The following CLPX variants were observed in gnomAD, a reference collection of about 807,000 sequenced individuals.
CLPX encodes caseinolytic mitochondrial matrix peptidase chaperone subunit X.
Under a neutral mutation model 76.4 loss-of-function variants are expected in CLPX, and 34 were observed. The ratio of observed to expected loss-of-function variants is 0.45; its 90% CI spans 0.34 to 0.59. The LOEUF is 0.59. Among genes scored for constraint, CLPX ranks in the 20% least tolerant of loss-of-function variants. The pLI is 0.01. For missense variants in CLPX, 613 were observed against 757.0 expected, an observed-to-expected ratio of 0.81 and a Z score of 2.23; for synonymous variants, 248 against 270.9, an observed-to-expected ratio of 0.92 and a Z score of 0.83.
At chr15:65,156,984 TAGCCTC>T in intron 8 of CLPX, 52 bp from the exon 9 acceptor site, 1 of 1,196,038 alleles carries the variant, frequency 8.4e-7, no homozygotes. Context: ...ATACACAAGA[TAGCCTC>T]AGCTTTAAAA....
At chr15:65,183,322 G>C (rs1198218240) in intron 1 of CLPX, among the ~76,000 whole-genome samples, 1 of 151,668 alleles carries the variant, frequency 6.6e-6, no homozygotes, top group African/African-American at 2.4e-5. Context: ...TTAGCCAGGC[G>C]TGGTGGCGGG....
rs779841328 is a variant in CLPX at position 65,157,775 on chromosome 15, G to C, written c.1028C>G (p.Ala343Gly). The C allele has an allele frequency of 5.6e-6, 9 of 1,613,342 alleles. No individual in the cohort carries two copies. The Middle Eastern group carries it at 4.9e-4, about 89-fold the overall frequency. ...TTGTGCTTTTTCCACATTATAATTG[G>C]CATCTTGGAGTAGTTTTGCAATCAC... The part of the protein sequence containing the change: ...ESVIAKLLQD[A>G]NYNVEKAQQG... Residue 343 changes from alanine to glycine, a missense_variant, in exon 8 of 14, where the codon GCC (alanine) becomes GGC (glycine). By Grantham distance (60) the Ala-to-Gly change is moderately conservative (BLOSUM62 0). Around this residue, in one of 2 missense-constraint regions of CLPX, gnomAD observed 450 missense variants for 638.6 expected, o/e 0.70. Coordinates refer to ENST00000300107, the MANE Select transcript of CLPX (RefSeq NM_006660.5).
chr15:65,157,635 A>G (rs1326202793), intron 8 of CLPX, 111 bp downstream of exon 8: 3 of 1,042,104 alleles, frequency 2.9e-6, no homozygotes, highest in East Asian at 2.6e-5. Context: ...GTACTTTTAT[A>G]TAATTACAGA....
rs756832891 is a variant in CLPX, at chr15:65,180,080, A to G, written c.204T>C (p.Asp68=). The G allele has an allele frequency of 6.2e-7, 1 of 1,611,256 alleles. No individual in the cohort carries two copies. Among genetic ancestry groups the G allele is most frequent in the South Asian group, 1.1e-5 (1 of 90,410 alleles). ...CTCCAGAACCATCTTTACTTATCCCATCTTTTGAGGCAAAGTATGCTGGTG... is the reference window on the plus strand; with the variant it reads ...CTCCAGAACCATCTTTACTTATCCCGTCTTTTGAGGCAAAGTATGCTGGTG... The part of the protein sequence containing the change: ...TETPAYFASK[D]GISKDGSGDG... Residue 68 remains aspartate (D), a synonymous_variant, in exon 2 of 14, where the codon GAT becomes GAC. Coordinates refer to ENST00000300107, the MANE Select transcript of CLPX (RefSeq NM_006660.5).
At chr15:65,162,540 AC>A (rs1555412857) in intron 6 of CLPX, 63 bp downstream of exon 6, 5 of 1,102,086 alleles carry the variant, frequency 4.5e-6, no homozygotes, top group Non-Finnish European at 6.9e-6. Context: ...TACTGCTGAA[AC>A]ACTTCACTGA....
At chr15:65,154,746 TAAAA>T in intron 11 of CLPX, 32 bp downstream of exon 11, 2 of 1,506,752 alleles carry the variant, frequency 1.3e-6, no homozygotes, top group Admixed American at 4.2e-5. Context: ...AGCAAGAAAA[TAAAA>T]AATAACTAAG....
In CLPX at chr15:65,157,740, A is replaced by G; in HGVS notation, c.1057+6T>C. ...AATCTGGGGACAGACCATGCTGAAA[A>G]CATACCTTGTTGTGCTTTTTCCACA... On this transcript the variant is annotated splice_donor_region_variant and intron_variant, in intron 8 of 13. Transcript: ENST00000300107. 1 of 1,611,794 alleles carries G rather than the reference A, an allele frequency of 6.2e-7. No individual in the cohort carries two copies.
intron 7 of CLPX, 51 bp downstream of exon 7, chr15:65,158,521 ATTT>A: frequency 6.9e-7 from 1 of 1,441,722 alleles, no homozygotes; most frequent in Non-Finnish European, 9.6e-7. Context: ...TTATAGAATC[ATTT>A]ATATTCTGAT....
At position 65,179,062 on chromosome 15, in the gene CLPX, T is replaced by A. The variant is rs1379371727; in HGVS notation, c.241-11A>T. On this transcript the variant is annotated splice_polypyrimidine_tract_variant and intron_variant, in intron 2 of 13. Transcript: ENST00000300107. The stretch of plus-strand genomic sequence containing the variant: ...CTCACTTGCTGATTTCTAACGTTTA[T>A]GAAGGAGAAAAAAGGAAGAGTGTCA... 1.3e-6 allele frequency: 2 copies of A among 1,548,910 alleles called. No homozygotes were observed. Among genetic ancestry groups the A allele is most frequent in the South Asian group, 1.1e-5 (1 of 88,438 alleles).
Position 65,180,036 on chromosome 15 carries a change from A to C in CLPX, c.240+8T>G. ...TGTGTACAGATGCCAATAAGATAAA[A>C]TAATTACCTTATTTCCATCTCCAGA... On this transcript the variant is annotated splice_region_variant and intron_variant, in intron 2 of 13. Coordinates refer to ENST00000300107, the MANE Select transcript of CLPX (RefSeq NM_006660.5). 3 of 1,592,276 alleles carry C rather than the reference A, an allele frequency of 1.9e-6. No individual in the cohort carries two copies. Among genetic ancestry groups the C allele is most frequent in the Non-Finnish European group, 2.6e-6 (3 of 1,167,740 alleles).
intron 3 of CLPX, among the ~76,000 whole-genome samples, chr15:65,170,721 G>T (rs1227902446): frequency 6.6e-6 from 1 of 151,034 alleles, no homozygotes; most frequent in East Asian, 2.0e-4. Flanking sequence ...AGTGAGCCAA[G>T]ACCACGTCAC....
At chr15:65,166,539 C>G (rs2087915308) in intron 4 of CLPX, 92 bp downstream of exon 4, 2 of 1,284,734 alleles carry the variant, frequency 1.6e-6, no homozygotes, top group Admixed American at 2.0e-5. Context: ...TGTTTATATA[C>G]TAGTATTAGG....
rs777474778 is a variant in CLPX, at chr15:65,185,146, C to G, written c.8G>C (p.Ser3Thr). MP[S>T]CGACTCGAAA... ...CGCGCCGCAAGTACAAGCACCGCAG[C>G]TGGGCATCTCCGCGAGGCCTAGGCC... is the stretch of plus-strand genomic sequence containing the variant. Residue 3 changes from serine (S) to threonine (T), a missense_variant, in exon 1 of 14, where the codon AGC becomes ACC. This residue lies in a region of CLPX where 163 missense variants were observed against 118.4 expected (regional missense o/e 1.38). Coordinates refer to ENST00000300107, the MANE Select transcript of CLPX (RefSeq NM_006660.5). 3 of 1,568,440 alleles carry G rather than the reference C, an allele frequency of 1.9e-6. No individual in the cohort carries two copies. The African/African-American group carries it at 4.0e-5, about 21-fold the overall frequency.
At chr15:65,163,115 T>C (rs913099689) in intron 5 of CLPX, among the ~76,000 whole-genome samples, 3 of 152,078 alleles carry the variant, frequency 2.0e-5, no homozygotes, top group Non-Finnish European at 2.9e-5. Flanking sequence ...GGCAGATGGA[T>C]TGCTTGGGAG....
Position 65,155,729 on chromosome 15 carries a change from C to T in CLPX, c.1274G>A (p.Gly425Asp), listed in dbSNP as rs2087781331. 1.2e-6 allele frequency: 2 copies of T among 1,613,914 alleles called. No homozygotes were observed. Among genetic ancestry groups the T allele is most frequent in the Non-Finnish European group, 1.7e-6 (2 of 1,179,986 alleles). ...ILFVASGAFN[G>D]LDRIISRRKN... Reference sequence around the variant, plus strand: ...CCTCCTGCTGATGATTCTGTCTAAACCATTGAAAGCACCAGATGCCACAAA... The same window carrying T: ...CCTCCTGCTGATGATTCTGTCTAAATCATTGAAAGCACCAGATGCCACAAA... Residue 425 changes from glycine to aspartate, a missense_variant, in exon 10 of 14, where the codon GGT becomes GAT. By Grantham distance (94) the Gly-to-Asp change is moderately conservative. Coordinates refer to ENST00000300107, the MANE Select transcript of CLPX (RefSeq NM_006660.5).
Position 65,153,633 on chromosome 15 carries a change from G to T in CLPX, c.1618C>A (p.Leu540Met). ...TTCAAAGCATCCTCAGTAACATTCAGTTCACACTACAAATACATTAAAAAT... is the reference window on the plus strand; with the variant it reads ...TTCAAAGCATCCTCAGTAACATTCATTTCACACTACAAATACATTAAAAAT... ...QALFSMDKCELNVTEDALKAI... is the reference protein window; with the variant it reads ...QALFSMDKCEMNVTEDALKAI... Residue 540 changes from leucine (L) to methionine (M), a missense_variant, in exon 12 of 14, where the codon CTG (leucine) becomes ATG (methionine). This residue lies in a region of CLPX where 450 missense variants were observed against 638.6 expected (regional missense o/e 0.70). Coordinates refer to ENST00000300107, the MANE Select transcript of CLPX (RefSeq NM_006660.5). 1 of 1,538,398 alleles carries T rather than the reference G, an allele frequency of 6.5e-7. No homozygotes were observed. The highest frequency in any genetic ancestry group is 8.8e-7 in the Non-Finnish European group (1 of 1,135,908).
chr15:65,185,032 C>T lies in CLPX; in HGVS notation c.79+43G>A, dbSNP rs112969209. 5.8e-3 allele frequency: 8,736 copies of T among 1,511,066 alleles called. 261 individuals carry two copies. In the African/African-American group the frequency reaches 0.077, roughly 13 times the overall value. The allele number at this position is 1,511,066 out of a possible 1,614,324, so 93.6% of individuals were successfully genotyped here. On this transcript the variant is annotated intron_variant, in intron 1 of 13. Coordinates refer to ENST00000300107, the MANE Select transcript of CLPX (RefSeq NM_006660.5). ...CCCAACCATTGGCCAGTCCACCCCC[C>T]CCCCGACAGGCTGAGGGCTCAGGAG...
chr15:65,179,467 A>T (rs1346863492), intron 2 of CLPX, among the ~76,000 whole-genome samples: 1 of 152,224 alleles, frequency 6.6e-6, no homozygotes, highest in African/African-American at 2.4e-5. Flanking sequence ...TACTCACATC[A>T]GAGTCACTGT....
At chr15:65,173,719 T>C (rs139701954) in intron 3 of CLPX, among the ~76,000 whole-genome samples, 214 of 152,328 alleles carry the variant, frequency 1.4e-3, no homozygotes, top group South Asian at 3.5e-3. Context: ...AATACTGATA[T>C]ATGCTGCAAA....
Sources: allele counts gnomAD v4.1 joint callset (sites outside exome capture counted in the v4.1 genomes callset), GRCh38; gene constraint gnomAD v4.1.1; regional missense constraint gnomAD v4.1.1; transcripts MANE v1.5; gene names NCBI Gene and HGNC (gene_info 2026-07-23, HGNC 2026-07-21).